MDFIC: variants seen among roughly 807,000 people sequenced by gnomAD.
The protein encoded by MDFIC is myoD family inhibitor domain-containing protein.
Under a neutral mutation model 23.2 loss-of-function variants are expected in MDFIC, and 17 were observed. That is an observed-to-expected ratio of 0.73 (90% CI 0.50 to 1.10). The LOEUF is 1.10. Ranked by LOEUF, MDFIC falls within the 50% of genes least tolerant of loss-of-function variation. MDFIC has a pLI of 0.00. For synonymous variants in MDFIC, 120 were observed against 115.2 expected (o/e 1.04, Z -0.27); for missense variants, 356 against 316.6 (o/e 1.12, Z -0.95).
intron 3 of MDFIC, among the ~76,000 whole-genome samples, chr7:114,973,269 A>T (rs1055457444): frequency 3.3e-5 from 5 of 152,152 alleles, no homozygotes; most frequent in Admixed American, 2.6e-4. Context: ...GTAGGAAATG[A>T]GCATTCCAGG....
At chr7:114,936,121 C>CATTTAA in intron 2 of MDFIC, among the ~76,000 whole-genome samples, 1 of 152,090 alleles carries the variant, frequency 6.6e-6, no homozygotes, top group Non-Finnish European at 1.5e-5. Context: ...TTAACTTGCC[C>CATTTAA]AGGATCCACA....
chr7:114,958,853 A>G (rs892659647), intron 3 of MDFIC, among the ~76,000 whole-genome samples: 2 of 152,164 alleles, frequency 1.3e-5, no homozygotes, highest in African/African-American at 4.8e-5. Flanking sequence ...GCCACTCCTC[A>G]TTTATTATCT....
intron 2 of MDFIC, among the ~76,000 whole-genome samples, chr7:114,940,281 GTCTC>G (rs1024771581): frequency 6.6e-6 from 1 of 152,206 alleles, no homozygotes; most frequent in African/African-American, 2.4e-5. Flanking sequence ...CCAAGTGGGT[GTCTC>G]TCTATTTTTA....
chr7:114,964,678 G>A (rs374755447), intron 3 of MDFIC, among the ~76,000 whole-genome samples: 20 of 152,114 alleles, frequency 1.3e-4, no homozygotes, highest in Non-Finnish European at 1.0e-4. Context: ...AGCCTCCTGA[G>A]TAGTTGGGAT....
chr7:114,972,411 C>A (rs889547973), intron 3 of MDFIC, among the ~76,000 whole-genome samples: 9 of 152,060 alleles, frequency 5.9e-5, no homozygotes, highest in Middle Eastern at 3.2e-3. Flanking sequence ...TCTACCACCC[C>A]CTTAGACCTG....
At chr7:114,927,554 A>G (rs192074546) in intron 2 of MDFIC, among the ~76,000 whole-genome samples, 1 of 152,242 alleles carries the variant, frequency 6.6e-6, no homozygotes, top group East Asian at 1.9e-4. Flanking sequence ...TATTTTTAAC[A>G]ATATAAAAGA....
chr7:115,019,475 C>T lies in MDFIC; in HGVS notation c.*3540C>T, dbSNP rs577506660. Among the ~76,000 whole-genome samples, 9 of 152,160 alleles carry T rather than the reference C, an allele frequency of 5.9e-5. No individual in the cohort carries two copies. Among genetic ancestry groups the T allele is most frequent in the Admixed American group, 1.3e-4 (2 of 15,262 alleles). On this transcript the variant is annotated 3_prime_UTR_variant, in exon 5 of 5. Coordinates refer to ENST00000393486, the MANE Select transcript of MDFIC (RefSeq NM_001166345.3). ...GTGCCCTAGATTCTAATGTTATAAACGTCAAACATCACTGCCCAACATAAA... is the reference window on the plus strand; with the variant it reads ...GTGCCCTAGATTCTAATGTTATAAATGTCAAACATCACTGCCCAACATAAA...
chr7:114,967,070 ACTTTT>A (rs1793112584), intron 3 of MDFIC, among the ~76,000 whole-genome samples: 1 of 152,212 alleles, frequency 6.6e-6, no homozygotes, highest in African/African-American at 2.4e-5. Flanking sequence ...TATTCCCAAT[ACTTTT>A]CTTTGTTTAA....
Position 115,018,702 on chromosome 7 carries a change from A to T in MDFIC, c.*2767A>T, listed in dbSNP as rs1040552034. 1 of 152,410 alleles carries T rather than the reference A, an allele frequency of 6.6e-6. No homozygotes were observed. The highest frequency in any genetic ancestry group is 2.4e-5 in the African/African-American group (1 of 41,440). The allele number at this position is 152,410 out of a possible 1,614,324, so 9.4% of individuals were successfully genotyped here. On this transcript the variant is annotated 3_prime_UTR_variant, in exon 5 of 5. Transcript: ENST00000393486. ...GGCTTTTAAAATATTTTAAAACTGG[A>T]CCTGTATTATCCTGAATACACTATT...
chr7:114,968,740 A>C (rs1330832059), intron 3 of MDFIC, among the ~76,000 whole-genome samples: 2 of 152,198 alleles, frequency 1.3e-5, no homozygotes, highest in Non-Finnish European at 2.9e-5. Flanking sequence ...AATTTATGGA[A>C]GTCCTCCTAG....
Position 114,923,002 on chromosome 7 carries a change from A to AGCGGC in MDFIC, c.-22_-18dup, listed in dbSNP as rs760974162. 4.0e-6 allele frequency: 6 copies of AGCGGC among 1,500,010 alleles called. No individual in the cohort carries two copies. Among genetic ancestry groups the AGCGGC allele is most frequent in the South Asian group, 2.5e-5 (2 of 79,646 alleles). 92.9% of individuals were successfully genotyped at this position (1,500,010 alleles called of 1,614,324 possible). On this transcript the variant is annotated 5_prime_UTR_variant, in exon 2 of 5. Transcript: ENST00000393486. ...CCTGCCGGGCGGCGAGCTAGGCGGC[A>AGCGGC]GCGGCGCGGCGCGGGCTCGGCGGAG...
chr7:114,964,855 C>T (rs141155963), intron 3 of MDFIC, among the ~76,000 whole-genome samples: 99 of 152,222 alleles, frequency 6.5e-4, no homozygotes, highest in Admixed American at 4.1e-3. Context: ...GGCCCCTTGA[C>T]GTCATTTTTC....
intron 3 of MDFIC, among the ~76,000 whole-genome samples, chr7:114,962,361 G>A (rs1022929753): frequency 8.5e-5 from 13 of 152,288 alleles, no homozygotes; most frequent in South Asian, 4.1e-4. Context: ...ACCATGATAT[G>A]GGATTTGAAA....
At chr7:114,944,124 A>T (rs572948724) in intron 3 of MDFIC, among the ~76,000 whole-genome samples, 4 of 152,292 alleles carry the variant, frequency 2.6e-5, no homozygotes, top group African/African-American at 4.8e-5. Flanking sequence ...AAATTGCATG[A>T]GTTTCTTTAT....
intron 3 of MDFIC, among the ~76,000 whole-genome samples, chr7:114,953,126 A>G (rs1048830570): frequency 3.3e-5 from 5 of 152,202 alleles, no homozygotes; most frequent in Non-Finnish European, 7.3e-5. Flanking sequence ...ATTCCTACAT[A>G]TTTAAGTTTT....
intron 4 of MDFIC, among the ~76,000 whole-genome samples, chr7:115,008,578 A>C (rs1791618679): frequency 6.6e-6 from 1 of 152,130 alleles, no homozygotes; most frequent in Non-Finnish European, 1.5e-5. Flanking sequence ...GCAGCAGGTC[A>C]GGCTAGGGCT....
chr7:115,014,450 C>A, intron 4 of MDFIC: 1 of 1,289,654 alleles, frequency 7.8e-7, no homozygotes, highest in Non-Finnish European at 1.0e-6. Context: ...TTTCCTACAT[C>A]TTTGGTTTTC....
At chr7:114,942,851 C>T (rs1416556747) in intron 3 of MDFIC, among the ~76,000 whole-genome samples, 1 of 152,066 alleles carries the variant, frequency 6.6e-6, no homozygotes, top group Non-Finnish European at 1.5e-5. Context: ...TATTCTTCTT[C>T]CTAAAATTGC....
intron 4 of MDFIC, among the ~76,000 whole-genome samples, chr7:115,002,061 C>G (rs1192436905): frequency 6.6e-6 from 1 of 152,124 alleles, no homozygotes; most frequent in Non-Finnish European, 1.5e-5. Context: ...TGCTTGAGCC[C>G]AGGAGGCAGA....
Sources: gnomAD v4.1 joint callset for allele counts (sites outside exome capture counted in the v4.1 genomes callset) on GRCh38, gnomAD v4.1.1 for gene constraint, MANE v1.5 for transcripts, NCBI Gene and HGNC (gene_info 2026-07-23, HGNC 2026-07-21) for gene names.